Variants in PLEKHM3 observed in about 807,000 individuals in gnomAD.
PLEKHM3 encodes the protein pleckstrin homology domain containing M3.
Under a neutral mutation model 81.8 loss-of-function variants are expected in PLEKHM3, and 45 were observed. The ratio of observed to expected loss-of-function variants is 0.55; its 90% CI spans 0.43 to 0.71. PLEKHM3 has a LOEUF of 0.71. PLEKHM3 is among the 30% of genes least tolerant of loss of function. The probability of loss-of-function intolerance (pLI) is 0.00; values close to 1 mark genes in which losing one functional copy is unlikely to be tolerated. For missense variants in PLEKHM3, 788 were observed against 924.3 expected (o/e 0.85, Z 1.91); for synonymous variants, 352 against 356.4 (o/e 0.99, Z 0.14).
intron 1 of PLEKHM3, among the ~76,000 whole-genome samples, chr2:208,021,211 C>T (rs1490800881): frequency 6.6e-6 from 1 of 152,196 alleles, no homozygotes; most frequent in Non-Finnish European, 1.5e-5. Context: ...TAATCAGGCA[C>T]CATTTTTTTC....
chr2:207,966,492 T>C (rs772066788), intron 3 of PLEKHM3, among the ~76,000 whole-genome samples: 27 of 152,234 alleles, frequency 1.8e-4, no homozygotes, highest in Non-Finnish European at 3.2e-4. Context: ...CTAGGTTACA[T>C]TGATTTGCAT....
At chr2:207,925,415 C>T (rs1215680298) in intron 5 of PLEKHM3, among the ~76,000 whole-genome samples, 4 of 152,176 alleles carry the variant, frequency 2.6e-5, no homozygotes, top group Non-Finnish European at 1.5e-5. Context: ...CACCTCCTGG[C>T]TCCTCCTGAA....
At chr2:207,885,559 T>C (rs1281353849) in intron 6 of PLEKHM3, among the ~76,000 whole-genome samples, 1 of 152,238 alleles carries the variant, frequency 6.6e-6, no homozygotes, top group Non-Finnish European at 1.5e-5. Context: ...GTGCAAGATT[T>C]TGTAGCTTCT....
In PLEKHM3 at chr2:208,014,015, A is replaced by G. The variant is rs184666117; in HGVS notation, c.-319+11374T>C. 2.0e-3 allele frequency among the ~76,000 whole-genome samples: 305 copies of G among 152,290 alleles called. 1 individual carries two copies. Among genetic ancestry groups the G allele is most frequent in the African/African-American group, 7.0e-3 (290 of 41,570 alleles). ...GCATCCCGAGAGTATGAGACCAGTG[A>G]TAAGATCTAAGCAAAAAGGTGACTC... On this transcript the variant is annotated intron_variant, in intron 1 of 7. Coordinates refer to ENST00000427836, the MANE Select transcript of PLEKHM3 (RefSeq NM_001080475.3).
chr2:207,856,090 TA>T (rs1345492707), intron 7 of PLEKHM3, among the ~76,000 whole-genome samples: 3 of 152,202 alleles, frequency 2.0e-5, no homozygotes, highest in African/African-American at 7.2e-5. Context: ...GTAAGGTTTA[TA>T]AAAATTGTTC....
In PLEKHM3 at chr2:207,824,676, G is replaced by A. The variant is rs1220769489; in HGVS notation, c.*3643C>T. The A allele has an allele frequency of 2.0e-5, 3 of 152,370 alleles. No homozygotes were observed. Among genetic ancestry groups the A allele is most frequent in the African/African-American group, 4.8e-5 (2 of 41,582 alleles). The allele number at this position is 152,370 out of a possible 1,614,324, so 9.4% of individuals were successfully genotyped here. ...GAGGAGGCACAGAAAAGAACTATCC[G>A]ATGTCCACGTTCAGTGTGTACACAC... is the stretch of plus-strand genomic sequence containing the variant. On this transcript the variant is annotated 3_prime_UTR_variant, in exon 8 of 8. Coordinates refer to ENST00000427836, the MANE Select transcript of PLEKHM3 (RefSeq NM_001080475.3).
At chr2:207,874,074 A>G (rs1490822810) in intron 6 of PLEKHM3, among the ~76,000 whole-genome samples, 2 of 152,222 alleles carry the variant, frequency 1.3e-5, no homozygotes, top group Non-Finnish European at 2.9e-5. Context: ...ACAATTTCAC[A>G]TGTCCTATAT....
chr2:207,942,724 C>A (rs890801905), intron 4 of PLEKHM3, among the ~76,000 whole-genome samples: 7 of 152,060 alleles, frequency 4.6e-5, no homozygotes, highest in Non-Finnish European at 1.0e-4. Flanking sequence ...CATGGTGAAA[C>A]CCCGTCTCTA....
intron 5 of PLEKHM3, among the ~76,000 whole-genome samples, chr2:207,925,300 TC>T (rs1689355903): frequency 6.6e-6 from 1 of 152,098 alleles, no homozygotes; most frequent in Non-Finnish European, 1.5e-5. Flanking sequence ...TCTCATAACT[TC>T]TACTGATCCT....
At chr2:207,923,242 G>A (rs2105925082) in intron 5 of PLEKHM3, among the ~76,000 whole-genome samples, 2 of 152,272 alleles carry the variant, frequency 1.3e-5, no homozygotes, top group Middle Eastern at 6.8e-3. Context: ...ACATATGTTA[G>A]AGGGACTGAG....
At chr2:208,000,889 C>T in intron 2 of PLEKHM3, 141 bp downstream of exon 2, 1 of 790,218 alleles carries the variant, frequency 1.3e-6, no homozygotes. Flanking sequence ...ATAAGATTCT[C>T]ATGAGCCAGA....
At chr2:207,902,738 C>T (rs981874057) in intron 6 of PLEKHM3, among the ~76,000 whole-genome samples, 1 of 152,064 alleles carries the variant, frequency 6.6e-6, no homozygotes, top group African/African-American at 2.4e-5. Context: ...GTTTGCTTTG[C>T]TTTTCAAGGG....
intron 3 of PLEKHM3, among the ~76,000 whole-genome samples, chr2:207,964,540 G>T (rs1227496842): frequency 6.6e-6 from 1 of 152,166 alleles, no homozygotes; most frequent in Admixed American, 6.5e-5. Flanking sequence ...TATATCTGGA[G>T]CATTAGAATT....
At chr2:207,871,571 G>A (rs1245779871) in intron 6 of PLEKHM3, among the ~76,000 whole-genome samples, 2 of 152,290 alleles carry the variant, frequency 1.3e-5, no homozygotes, top group Admixed American at 1.3e-4. Context: ...ATTTTTCTCA[G>A]TGGCTAGAAT....
chr2:207,914,024 T>C (rs1688900548), intron 5 of PLEKHM3, among the ~76,000 whole-genome samples: 1 of 151,956 alleles, frequency 6.6e-6, no homozygotes, highest in South Asian at 2.1e-4. Context: ...ATTGAAACAG[T>C]TCAAGTTTTT....
chr2:207,865,580 C>T (rs906938574), intron 6 of PLEKHM3, among the ~76,000 whole-genome samples: 6 of 151,144 alleles, frequency 4.0e-5, no homozygotes, highest in Non-Finnish European at 4.4e-5. Context: ...GAGTTCATGA[C>T]CAGCCTGGCC....
At chr2:207,929,757 T>A in intron 5 of PLEKHM3, 1 of 490,840 alleles carries the variant, frequency 2.0e-6, no homozygotes, top group East Asian at 3.1e-5. Flanking sequence ...AGAGCTTGTC[T>A]AGATATTATA....
At chr2:207,917,058 A>C (rs146805164) in intron 5 of PLEKHM3, among the ~76,000 whole-genome samples, 232 of 152,334 alleles carry the variant, frequency 1.5e-3, no homozygotes, top group Admixed American at 4.5e-3. Context: ...TTAGGATATC[A>C]GGAAGATAGA....
intron 4 of PLEKHM3, among the ~76,000 whole-genome samples, chr2:207,945,991 C>T (rs747752406): frequency 1.1e-4 from 17 of 152,010 alleles, no homozygotes; most frequent in Non-Finnish European, 2.4e-4. Flanking sequence ...TTATATAAGG[C>T]CTTGCCTAGA....
Sources: gnomAD v4.1 joint callset for allele counts (sites outside exome capture counted in the v4.1 genomes callset) on GRCh38, gnomAD v4.1.1 for gene constraint, MANE v1.5 for transcripts, NCBI Gene and HGNC (gene_info 2026-07-23, HGNC 2026-07-21) for gene names.